Variants in AMPH observed in about 807,000 individuals in gnomAD.
AMPH encodes amphiphysin (Stiff-Mann syndrome with breast cancer 128kD autoantigen).
A neutral mutation model predicts 99.1 loss-of-function variants in AMPH; 49 were observed. The observed-to-expected ratio is 0.49, with a 90% CI of 0.39 to 0.63. AMPH has a LOEUF of 0.63. Ranked by LOEUF, AMPH falls within the 20% of genes least tolerant of loss-of-function variation. AMPH has a pLI of 0.00. For missense variants in AMPH, 759 were observed against 863.4 expected (o/e 0.88, Z 1.52); for synonymous variants, 314 against 317.3 (o/e 0.99, Z 0.11).
chr7:38,571,021 TCATATATTGA>T (rs1562834530), intron 1 of AMPH, among the ~76,000 whole-genome samples: 15 of 13,954 alleles, frequency 1.1e-3, no homozygotes, highest in African/African-American at 2.9e-3. Context: ...ATATATATAT[TCATATATTGA>T]ATATATATAG....
At chr7:38,509,907 G>A (rs964032126) in intron 2 of AMPH, among the ~76,000 whole-genome samples, 9 of 152,048 alleles carry the variant, frequency 5.9e-5, no homozygotes, top group African/African-American at 1.9e-4. Context: ...ACATTCTATC[G>A]TGACCAAATC....
chr7:38,451,933 A>T (rs2129003716), intron 11 of AMPH, among the ~76,000 whole-genome samples: 1 of 152,284 alleles, frequency 6.6e-6, no homozygotes, highest in East Asian at 1.9e-4. Context: ...CAAGTAAACC[A>T]TTGGGTCATA....
chr7:38,551,838 A>G (rs1449790833), intron 1 of AMPH, among the ~76,000 whole-genome samples: 1 of 152,220 alleles, frequency 6.6e-6, no homozygotes, highest in African/African-American at 2.4e-5. Flanking sequence ...TTGGAAAAGT[A>G]AAGAAATGTC....
chr7:38,493,122 C>G (rs1015834598), intron 4 of AMPH, among the ~76,000 whole-genome samples: 2 of 152,170 alleles, frequency 1.3e-5, no homozygotes, highest in African/African-American at 2.4e-5. Flanking sequence ...AGCTCAATGT[C>G]AGGGTGTCAG....
At chr7:38,515,476 C>A (rs938880617) in intron 2 of AMPH, among the ~76,000 whole-genome samples, 2 of 152,164 alleles carry the variant, frequency 1.3e-5, no homozygotes, top group African/African-American at 4.8e-5. Context: ...TCACCCTCCA[C>A]CATGATTGTA....
At chr7:38,406,880 C>T (rs1785025849) in intron 17 of AMPH, among the ~76,000 whole-genome samples, 1 of 149,212 alleles carries the variant, frequency 6.7e-6, no homozygotes, top group Non-Finnish European at 1.5e-5. Flanking sequence ...TCACACAGAG[C>T]TTCATTGTCA....
intron 1 of AMPH, among the ~76,000 whole-genome samples, chr7:38,557,397 C>T (rs73124276): frequency 0.045 from 6,834 of 151,746 alleles, 171 homozygotes; most frequent in South Asian, 0.071. Context: ...ATCATCAGGG[C>T]GGTTTCCCAC....
chr7:38,556,911 G>A (rs369976701), intron 1 of AMPH, among the ~76,000 whole-genome samples: 22 of 152,298 alleles, frequency 1.4e-4, no homozygotes, highest in South Asian at 1.0e-3. Context: ...GTATCTGGGC[G>A]TACATATGCT....
intron 1 of AMPH, among the ~76,000 whole-genome samples, chr7:38,582,957 T>C (rs1210108618): frequency 6.6e-6 from 1 of 152,210 alleles, no homozygotes; most frequent in Non-Finnish European, 1.5e-5. Context: ...TATTATATTT[T>C]TGTCTAAGGG....
intron 14 of AMPH, chr7:38,429,422 G>A: frequency 7.7e-7 from 1 of 1,293,778 alleles, no homozygotes; most frequent in Non-Finnish European, 1.0e-6. Context: ...ACCCACCTGA[G>A]GTAACTTCTT....
intron 14 of AMPH, among the ~76,000 whole-genome samples, chr7:38,427,421 G>A (rs1269090168): frequency 2.6e-5 from 4 of 152,128 alleles, no homozygotes; most frequent in Non-Finnish European, 1.5e-5. Flanking sequence ...GAAACATTTC[G>A]TGTGTTCTTT....
chr7:38,464,042 C>T (rs1430979391), intron 9 of AMPH: 3 of 1,288,522 alleles, frequency 2.3e-6, no homozygotes, highest in African/African-American at 1.5e-5. Context: ...CAGATGGAAA[C>T]ATAGCCCCAA....
chr7:38,393,280 T>C (rs999911875), intron 18 of AMPH, among the ~76,000 whole-genome samples: 3 of 152,212 alleles, frequency 2.0e-5, no homozygotes, highest in African/African-American at 7.2e-5. Context: ...GGAGAAATTT[T>C]TGAAAACTTA....
intron 17 of AMPH, among the ~76,000 whole-genome samples, chr7:38,407,074 A>ATG (rs1314061909): frequency 2.2e-4 from 7 of 32,252 alleles, no homozygotes; most frequent in South Asian, 1.6e-3. Context: ...ATATATATAT[A>ATG]TATGTGTGTG....
At chr7:38,422,839 C>T (rs531067296) in intron 15 of AMPH, among the ~76,000 whole-genome samples, 10 of 152,254 alleles carry the variant, frequency 6.6e-5, no homozygotes, top group Middle Eastern at 3.4e-3. Flanking sequence ...AAGCTGGTCT[C>T]GAATTTCTGG....
intron 11 of AMPH, among the ~76,000 whole-genome samples, chr7:38,439,536 G>T (rs1326745555): frequency 6.6e-6 from 1 of 152,232 alleles, no homozygotes; most frequent in Non-Finnish European, 1.5e-5. Flanking sequence ...GTCACCACAT[G>T]TTGAAACACA....
chr7:38,501,243 T>C (rs1789124496), intron 3 of AMPH, among the ~76,000 whole-genome samples: 2 of 152,156 alleles, frequency 1.3e-5, no homozygotes, highest in South Asian at 4.1e-4. Context: ...CAGGCTGGAG[T>C]GCAGTGGCAT....
intron 17 of AMPH, among the ~76,000 whole-genome samples, chr7:38,407,222 G>A (rs997568839): frequency 1.9e-4 from 28 of 144,390 alleles, no homozygotes; most frequent in African/African-American, 6.4e-4. Context: ...TCTATCTATA[G>A]ATAGATAGAT....
intron 1 of AMPH, among the ~76,000 whole-genome samples, chr7:38,587,012 TACACACACAC>T (rs36077157): frequency 1.4e-4 from 21 of 149,580 alleles, no homozygotes; most frequent in African/African-American, 2.9e-4. Context: ...ATTGTGTAAA[TACACACACAC>T]ACACACACAC....
Sources: gnomAD v4.1 joint callset for allele counts (sites outside exome capture counted in the v4.1 genomes callset) on GRCh38, gnomAD v4.1.1 for gene constraint, MANE v1.5 for transcripts, NCBI Gene and HGNC (gene_info 2026-07-23, HGNC 2026-07-21) for gene names.